Variants in MAPRE2 observed in about 807,000 individuals in gnomAD.
MAPRE2 encodes the protein microtubule associated protein RP/EB family member 2, also known as microtubule-associated protein RP/EB family member 2.
A neutral mutation model predicts 43.2 loss-of-function variants in MAPRE2; 13 were observed. The observed-to-expected ratio is 0.30, with a 90% CI of 0.20 to 0.48. MAPRE2 has a LOEUF of 0.48. MAPRE2 is among the 20% of genes least tolerant of loss of function. The pLI is 0.99. For synonymous variants in MAPRE2, 135 were observed against 148.8 expected, an observed-to-expected ratio of 0.91 and a Z score of 0.68; for missense variants, 161 against 400.2, an observed-to-expected ratio of 0.40 and a Z score of 5.10.
At chr18:34,990,641 C>T (rs1392772365) in intron 1 of MAPRE2, among the ~76,000 whole-genome samples, 2 of 152,066 alleles carry the variant, frequency 1.3e-5, no homozygotes, top group African/African-American at 4.8e-5. Context: ...ACCACTGATG[C>T]CCTAGGGAAT....
chr18:35,063,484 TAAA>T (rs111922465), intron 1 of MAPRE2, among the ~76,000 whole-genome samples: 1 of 141,080 alleles, frequency 7.1e-6, no homozygotes, highest in Admixed American at 7.0e-5. Flanking sequence ...GAAGGTAACT[TAAA>T]AAAAAAAAAA....
rs189346118 is a variant in MAPRE2, at chr18:35,063,595, C to T, written c.123-6600C>T. 9.9e-5 allele frequency among the ~76,000 whole-genome samples: 15 copies of T among 152,160 alleles called. No individual in the cohort carries two copies. The East Asian group carries it at 2.3e-3, about 24-fold the overall frequency. ...ATCCAGGCCAAATGGGGTCTCCTTG[C>T]AGCGCAGCAGATAGCAGTCAACCAC... On this transcript the variant is annotated intron_variant, in intron 1 of 6. Transcript: ENST00000300249.
Position 35,057,827 on chromosome 18 carries a change from C to T in MAPRE2, c.123-12368C>T, listed in dbSNP as rs78757462. The stretch of plus-strand genomic sequence containing the variant: ...CACATGGGAAAAGAAGTTTTGGGGA[C>T]GATGCCCTACGAAGCTGGTAGTGAA... On this transcript the variant is annotated intron_variant, in intron 1 of 6. Coordinates refer to ENST00000300249, the MANE Select transcript of MAPRE2 (RefSeq NM_014268.4). Among the ~76,000 whole-genome samples, 13 of 152,176 alleles carry T rather than the reference C, an allele frequency of 8.5e-5. No homozygotes were observed. The East Asian group carries it at 1.7e-3, about 20-fold the overall frequency.
intron 6 of MAPRE2, among the ~76,000 whole-genome samples, chr18:35,138,268 A>G (rs898452967): frequency 1.1e-4 from 17 of 152,280 alleles, no homozygotes; most frequent in Admixed American, 7.2e-4. Flanking sequence ...AGCACCTGCA[A>G]TTAAGGAATT....
intron 1 of MAPRE2, chr18:34,978,368 A>T: frequency 1.3e-6 from 1 of 751,904 alleles, no homozygotes; most frequent in Non-Finnish European, 2.3e-6. Context: ...TGATTAGCAT[A>T]GTATCGACCC....
At chr18:35,037,562 T>C (rs978391914), upstream of MAPRE2, among the ~76,000 whole-genome samples, 2 of 152,228 alleles carry the variant, frequency 1.3e-5, no homozygotes, top group Admixed American at 6.5e-5. Flanking sequence ...CAGCACATGC[T>C]TTATTTTAGA....
At chr18:35,021,582 C>A (rs1048430585) in intron 2 of MAPRE2, among the ~76,000 whole-genome samples, 2 of 151,938 alleles carry the variant, frequency 1.3e-5, no homozygotes, top group Non-Finnish European at 2.9e-5. Flanking sequence ...CCACTCCTCC[C>A]AGAAAAAAAG....
chr18:35,059,082 A>C (rs1906386612), intron 1 of MAPRE2, among the ~76,000 whole-genome samples: 1 of 152,252 alleles, frequency 6.6e-6, no homozygotes, highest in Non-Finnish European at 1.5e-5. Flanking sequence ...TTCATTAGGC[A>C]TGTGGAAAGT....
chr18:35,110,903 C>T lies in MAPRE2; in HGVS notation c.610+8744C>T, dbSNP rs73414662. Among the ~76,000 whole-genome samples, 202 of 152,200 alleles carry T rather than the reference C, an allele frequency of 1.3e-3. 2 individuals carry two copies. The highest frequency in any genetic ancestry group is 4.5e-3 in the African/African-American group (185 of 41,526). On this transcript the variant is annotated intron_variant, in intron 4 of 6. Transcript: ENST00000300249. ...TCCTTATCTTTGGTTTTGAGTAGTG[C>T]GACTATGATGTGCCTAATTATGGTT... is the stretch of plus-strand genomic sequence containing the variant.
chr18:35,074,497 A>AGAAAGTACATCTTTTCCTT (rs1457931486), intron 2 of MAPRE2, among the ~76,000 whole-genome samples: 1 of 152,136 alleles, frequency 6.6e-6, no homozygotes, highest in Non-Finnish European at 1.5e-5. Flanking sequence ...GTGGAGTGGG[A>AGAAAGTACATCTTTTCCTT]GAAAGTACAT....
In MAPRE2 at chr18:34,987,049, A is replaced by G. The variant is rs561629839; in HGVS notation, c.-70+9970A>G. Among the ~76,000 whole-genome samples, 9 of 152,326 alleles carry G rather than the reference A, an allele frequency of 5.9e-5. No individual in the cohort carries two copies. The East Asian group carries it at 1.7e-3, about 29-fold the overall frequency. On this transcript the variant is annotated intron_variant, in intron 1 of 7. Coordinates refer to the MAPRE2 transcript ENST00000413393. Reference sequence around the variant, plus strand: ...CTTACTCAAGGAAAAAAAGCCATTAACTGAAGTTTTTTTGCACAATTTACT... The same window carrying G: ...CTTACTCAAGGAAAAAAAGCCATTAGCTGAAGTTTTTTTGCACAATTTACT...
At chr18:35,088,332 T>C (rs1907975253) in intron 2 of MAPRE2, among the ~76,000 whole-genome samples, 1 of 152,168 alleles carries the variant, frequency 6.6e-6, no homozygotes, top group East Asian at 1.9e-4. Context: ...GTAAAGGTCC[T>C]AATTCAGGAG....
At chr18:35,078,038 T>C (rs989142908) in intron 2 of MAPRE2, among the ~76,000 whole-genome samples, 2 of 152,218 alleles carry the variant, frequency 1.3e-5, no homozygotes, top group Non-Finnish European at 2.9e-5. Context: ...TTAGATTATC[T>C]AAAGACTTTA....
Position 35,048,147 on chromosome 18 carries a change from C to T in MAPRE2, c.122+6486C>T, listed in dbSNP as rs73424683. 1.8e-3 allele frequency among the ~76,000 whole-genome samples: 279 copies of T among 152,192 alleles called. 1 individual carries two copies. Among genetic ancestry groups the T allele is most frequent in the African/African-American group, 4.4e-3 (181 of 41,520 alleles). ...CTTTCACTCATGGTGGAAGGCGAAG[C>T]GGGAGCAGGCATGTCTCATGGCCAG... On this transcript the variant is annotated intron_variant, in intron 1 of 6. Coordinates refer to ENST00000300249, the MANE Select transcript of MAPRE2 (RefSeq NM_014268.4).
chr18:35,134,459 A>C (rs1910296723), intron 6 of MAPRE2, among the ~76,000 whole-genome samples: 1 of 152,234 alleles, frequency 6.6e-6, no homozygotes, highest in Admixed American at 6.5e-5. Flanking sequence ...TTACAGATGA[A>C]ATTACTAACC....
At chr18:35,079,586 A>C (rs966378161) in intron 2 of MAPRE2, among the ~76,000 whole-genome samples, 1 of 152,188 alleles carries the variant, frequency 6.6e-6, no homozygotes, top group African/African-American at 2.4e-5. Flanking sequence ...CCATATAGCC[A>C]TTCTAGATCT....
intron 2 of MAPRE2, among the ~76,000 whole-genome samples, chr18:35,095,363 T>TAC (rs34361204): frequency 0.22 from 30,052 of 135,880 alleles, 3,552 homozygotes; most frequent in Non-Finnish European, 0.28. Flanking sequence ...TTTAAGAAAA[T>TAC]ACACACACAC....
intron 1 of MAPRE2, among the ~76,000 whole-genome samples, chr18:35,067,972 A>G (rs947266622): frequency 6.6e-6 from 1 of 152,220 alleles, no homozygotes. Flanking sequence ...TGGTCACACT[A>G]TCTGAGATTC....
chr18:35,127,112 C>G, intron 5 of MAPRE2, 25 bp downstream of exon 5: 3 of 1,613,824 alleles, frequency 1.9e-6, no homozygotes, highest in Non-Finnish European at 2.5e-6. Flanking sequence ...CTGGCCACGC[C>G]TCTAGGAGCA....
Sources: allele counts gnomAD v4.1 joint callset (sites outside exome capture counted in the v4.1 genomes callset), GRCh38; gene constraint gnomAD v4.1.1; transcripts MANE v1.5; gene names NCBI Gene and HGNC (gene_info 2026-07-23, HGNC 2026-07-21).